SYT1: variants seen among roughly 807,000 people sequenced by gnomAD.
SYT1 encodes the protein synaptotagmin 1.
Under a neutral mutation model 44.8 loss-of-function variants are expected in SYT1, and 8 were observed. The observed-to-expected ratio is 0.18, with a 90% CI of 0.10 to 0.32. SYT1 has a LOEUF of 0.32. Among genes scored for constraint, SYT1 ranks in the 10% least tolerant of loss-of-function variants. The pLI, the probability that SYT1 is intolerant of heterozygous loss-of-function variation, is 1.00. For synonymous variants in SYT1, 154 were observed against 188.8 expected (o/e 0.82, Z 1.51); for missense variants, 286 against 509.3 (o/e 0.56, Z 4.22).
At position 79,125,451 on chromosome 12, in the gene SYT1, C is replaced by CA. The variant is rs61296536; in HGVS notation, c.-18+78105dup. 5.3e-3 allele frequency among the ~76,000 whole-genome samples: 529 copies of CA among 99,000 alleles called. 6 individuals carry two copies. The highest frequency in any genetic ancestry group is 9.2e-3 in the African/African-American group (237 of 25,874). 64.9% of individuals were successfully genotyped at this position (99,000 alleles called of 152,430 possible). Reference sequence around the variant, plus strand: ...CATAGTGCGACCCTCACTGTCTCTACAAAAAAAAAAAAAAAATTAGCTGTG... The same window carrying CA: ...CATAGTGCGACCCTCACTGTCTCTACAAAAAAAAAAAAAAAAATTAGCTGTG... On this transcript the variant is annotated intron_variant, in intron 3 of 10. Transcript: ENST00000261205.
intron 9 of SYT1, among the ~76,000 whole-genome samples, chr12:79,376,399 T>C (rs541020907): frequency 1.2e-4 from 19 of 152,194 alleles, no homozygotes; most frequent in Non-Finnish European, 2.8e-4. Context: ...AACTTCCTGA[T>C]GTTGCCATGG....
At chr12:79,020,259 G>A (rs1462169397) in intron 2 of SYT1, among the ~76,000 whole-genome samples, 1 of 151,858 alleles carries the variant, frequency 6.6e-6, no homozygotes, top group Non-Finnish European at 1.5e-5. Flanking sequence ...AGTTTAACCA[G>A]CAGCATGTTG....
chr12:78,947,614 A>C (rs1878734808), intron 1 of SYT1, among the ~76,000 whole-genome samples: 1 of 152,110 alleles, frequency 6.6e-6, no homozygotes, highest in Non-Finnish European at 1.5e-5. Context: ...CAGGCTGTTC[A>C]TATTCTCAGT....
intron 1 of SYT1, among the ~76,000 whole-genome samples, chr12:78,866,870 A>G (rs1218113330): frequency 6.6e-6 from 1 of 152,104 alleles, no homozygotes; most frequent in Non-Finnish European, 1.5e-5. Context: ...CTCAGAGAGT[A>G]TTTTTTCACT....
chr12:79,246,788 G>A (rs1253679020), intron 4 of SYT1, among the ~76,000 whole-genome samples: 1 of 152,182 alleles, frequency 6.6e-6, no homozygotes, highest in African/African-American at 2.4e-5. Flanking sequence ...GACAATAATG[G>A]CCTCTGAGGC....
intron 2 of SYT1, among the ~76,000 whole-genome samples, chr12:78,983,406 C>T (rs1424127561): frequency 6.6e-6 from 1 of 152,078 alleles, no homozygotes; most frequent in South Asian, 2.1e-4. Flanking sequence ...TTACATTTTC[C>T]AGTGATTAAG....
At chr12:78,868,357 T>C (rs1430950562) in intron 1 of SYT1, among the ~76,000 whole-genome samples, 2 of 151,836 alleles carry the variant, frequency 1.3e-5, no homozygotes, top group Non-Finnish European at 3.0e-5. Context: ...CTGCAGAAAA[T>C]ATAATATTTT....
intron 4 of SYT1, among the ~76,000 whole-genome samples, chr12:79,279,763 C>T (rs1004161968): frequency 5.3e-4 from 81 of 151,982 alleles, no homozygotes; most frequent in African/African-American, 1.9e-3. Flanking sequence ...ACCCCAAAGA[C>T]TCCTAGATTT....
intron 3 of SYT1, among the ~76,000 whole-genome samples, chr12:79,167,106 A>T (rs1871263193): frequency 6.6e-6 from 1 of 152,050 alleles, no homozygotes; most frequent in Admixed American, 6.6e-5. Context: ...CAATTGTTTA[A>T]GTGAAAAATC....
At chr12:79,275,993 T>A (rs1446216976) in intron 4 of SYT1, among the ~76,000 whole-genome samples, 1 of 152,126 alleles carries the variant, frequency 6.6e-6, no homozygotes, top group African/African-American at 2.4e-5. Flanking sequence ...GTCTTTGACA[T>A]GGAAAGCACC....
chr12:79,235,751 CAAA>C (rs1459295385), intron 4 of SYT1, among the ~76,000 whole-genome samples: 1 of 151,466 alleles, frequency 6.6e-6, no homozygotes, highest in Non-Finnish European at 1.5e-5. Flanking sequence ...GACACTAAAT[CAAA>C]GAAGATATGA....
rs1880034890 is a variant in SYT1, at chr12:79,299,565, T to C, written c.810+14T>C. On this transcript the variant is annotated intron_variant, in intron 8 of 10. Coordinates refer to ENST00000261205, the MANE Select transcript of SYT1 (RefSeq NM_005639.3). ...GAGAAGGAAGAGGTAAGGGAATTAC[T>C]AGCATTTCTAACATCACAAGCTGTA... The C allele has an allele frequency of 6.2e-7, 1 of 1,609,564 alleles. No individual in the cohort carries two copies. Among genetic ancestry groups the C allele is most frequent in the Admixed American group, 1.7e-5 (1 of 59,006 alleles).
chr12:79,080,420 T>C (rs1447499303), intron 3 of SYT1, among the ~76,000 whole-genome samples: 1 of 152,156 alleles, frequency 6.6e-6, no homozygotes, highest in African/African-American at 2.4e-5. Flanking sequence ...TTAATTAACC[T>C]TCAGGTCCAA....
At chr12:79,181,638 G>A (rs1375535131) in intron 3 of SYT1, among the ~76,000 whole-genome samples, 2 of 151,972 alleles carry the variant, frequency 1.3e-5, no homozygotes, top group African/African-American at 2.4e-5. Context: ...GTAGCTAAGT[G>A]TGGCAGACCA....
intron 1 of SYT1, among the ~76,000 whole-genome samples, chr12:78,900,071 A>G (rs534012734): frequency 6.6e-6 from 1 of 152,228 alleles, no homozygotes; most frequent in East Asian, 1.9e-4. Context: ...TTAATCAAAT[A>G]AATGGTCATT....
intron 9 of SYT1, among the ~76,000 whole-genome samples, chr12:79,412,424 G>A (rs2136137001): frequency 6.6e-6 from 1 of 152,304 alleles, no homozygotes; most frequent in East Asian, 1.9e-4. Flanking sequence ...TTATCAGGAA[G>A]CTGATCACTA....
intron 3 of SYT1, among the ~76,000 whole-genome samples, chr12:79,117,226 T>C (rs182730880): frequency 4.6e-5 from 7 of 152,298 alleles, no homozygotes; most frequent in Admixed American, 3.9e-4. Flanking sequence ...AAGGTCTGTT[T>C]ACATTTTTGG....
chr12:79,264,805 G>A (rs1330013788), intron 4 of SYT1, among the ~76,000 whole-genome samples: 1 of 152,164 alleles, frequency 6.6e-6, no homozygotes, highest in Admixed American at 6.5e-5. Context: ...CTCAGTCACT[G>A]TGACTTCAAA....
chr12:79,281,147 T>C (rs1879032320), intron 4 of SYT1, among the ~76,000 whole-genome samples: 1 of 152,098 alleles, frequency 6.6e-6, no homozygotes, highest in South Asian at 2.1e-4. Context: ...ATCCCACTAA[T>C]GGATATCTAC....
Sources: allele counts gnomAD v4.1 joint callset (sites outside exome capture counted in the v4.1 genomes callset), GRCh38; gene constraint gnomAD v4.1.1; transcripts MANE v1.5; gene names NCBI Gene and HGNC (gene_info 2026-07-23, HGNC 2026-07-21).